PCNT: variants seen among roughly 807,000 people sequenced by gnomAD.
PCNT encodes the protein pericentrin.
In PCNT, 319 loss-of-function variants were observed where a neutral mutation model predicts 380.4. That is an observed-to-expected ratio of 0.84 (90% confidence interval 0.77 to 0.92). The LOEUF (loss-of-function observed/expected upper bound fraction) is 0.92, where lower values mean the gene tolerates loss of function less well. Ranked by LOEUF, PCNT falls within the 40% of genes least tolerant of loss-of-function variation. PCNT has a pLI of 0.00. For synonymous variants in PCNT, 1,845 were observed against 1,735.2 expected (o/e 1.06, Z -1.57); for missense variants, 4,400 against 4,255.3 (o/e 1.03, Z -0.95).
chr21:46,378,450 C>T (rs1182262079), intron 15 of PCNT, among the ~76,000 whole-genome samples: 2 of 152,124 alleles, frequency 1.3e-5, no homozygotes, highest in Admixed American at 6.5e-5. Flanking sequence ...TGAACACAGG[C>T]ACTGTGATGC....
Position 46,418,360 on chromosome 21 carries a change from A to G in PCNT, c.7024+54A>G, listed in dbSNP as rs2087113673. 7.6e-6 allele frequency: 8 copies of G among 1,055,422 alleles called. No individual in the cohort carries two copies. In the Admixed American group the frequency reaches 1.3e-4, roughly 17 times the overall value. The allele number at this position is 1,055,422 out of a possible 1,614,324, so 65.4% of individuals were successfully genotyped here. On this transcript the variant is annotated intron_variant, in intron 31 of 46. Transcript: ENST00000359568. ...TTTTATTTCAGTGGTTTCCTAGCAC[A>G]GAATAGTCAAAAGAATTCCTGCATC...
chr21:46,391,301 G>A lies in PCNT; in HGVS notation c.4141G>A (p.Ala1381Thr). Residue 1381 changes from alanine to threonine, a missense_variant, in exon 21 of 47, where the codon GCG (alanine) becomes ACG (threonine). By Grantham distance (58) the Ala-to-Thr change is moderately conservative. Transcript: ENST00000359568. ...GCAGCAGGCGGCCCAGGAGCAGGCG[G>A]CGCTGAGGGAGGAGTGCACCCGTCT... Reference protein sequence around the residue: ...QLQQAAQEQAALREECTRLWS... With the variant: ...QLQQAAQEQATLREECTRLWS... 1.3e-6 allele frequency: 2 copies of A among 1,573,412 alleles called. No homozygotes were observed. The highest frequency in any genetic ancestry group is 1.2e-5 in the South Asian group (1 of 85,816).
At chr21:46,433,638 C>T (rs1261830247) in intron 38 of PCNT, among the ~76,000 whole-genome samples, 1 of 152,008 alleles carries the variant, frequency 6.6e-6, no homozygotes, top group African/African-American at 2.4e-5. Flanking sequence ...AAGTTGCCAG[C>T]CAAAACCTTT....
In PCNT at chr21:46,430,118, C is replaced by T. The variant is rs762085456; in HGVS notation, c.7799C>T (p.Ala2600Val). 3.3e-5 allele frequency: 53 copies of T among 1,614,014 alleles called. No individual in the cohort carries two copies. The South Asian group carries it at 3.5e-4, about 11-fold the overall frequency. Residue 2600 changes from alanine (A) to valine (V), a missense_variant, in exon 36 of 47, where the codon GCG becomes GTG. Ala to Val is a moderately conservative substitution (Grantham distance 64). Coordinates refer to ENST00000359568, the MANE Select transcript of PCNT (RefSeq NM_006031.6). Reference protein sequence around the residue: ...EKANSVQKLLAAEQTVVRDLK... With the variant: ...EKANSVQKLLVAEQTVVRDLK... ...GCAAACAGCGTGCAGAAGCTCCTGG[C>T]GGCGGAGCAGACTGTAGTGCGAGAT... is the stretch of plus-strand genomic sequence containing the variant.
chr21:46,339,261 G>A (rs1213996716), intron 3 of PCNT, among the ~76,000 whole-genome samples: 1 of 152,186 alleles, frequency 6.6e-6, no homozygotes, highest in African/African-American at 2.4e-5. Flanking sequence ...TAGACATATA[G>A]TTGGCAGTTG....
intron 15 of PCNT, among the ~76,000 whole-genome samples, chr21:46,369,342 G>T (rs2085040040): frequency 6.6e-6 from 1 of 152,248 alleles, no homozygotes; most frequent in Non-Finnish European, 1.5e-5. Context: ...CCAGGTAGTT[G>T]GAATTACAGG....
At chr21:46,420,609 G>T in intron 31 of PCNT, 1 of 152,600 alleles carries the variant, frequency 6.6e-6, no homozygotes. Flanking sequence ...AGGGTCCAGT[G>T]GGACAATGGG....
chr21:46,359,205 G>A (rs2084594873), intron 13 of PCNT, among the ~76,000 whole-genome samples: 1 of 150,224 alleles, frequency 6.7e-6, no homozygotes, highest in East Asian at 1.9e-4. Flanking sequence ...TGCCCGCCTT[G>A]GCCTCCCAAA....
chr21:46,346,299 C>T, intron 4 of PCNT, 91 bp downstream of exon 4: 1 of 667,804 alleles, frequency 1.5e-6, no homozygotes, highest in South Asian at 1.4e-5. Flanking sequence ...GGGGTGGGCG[C>T]TGCCATCTCC....
chr21:46,363,589 T>G lies in PCNT; in HGVS notation c.2264T>G (p.Met755Arg), dbSNP rs201827977. The G allele has an allele frequency of 2.1e-4, 340 of 1,614,124 alleles. No individual in the cohort carries two copies. In the East Asian group the frequency reaches 6.0e-3, roughly 29 times the overall value. Residue 755 changes from methionine (M) to arginine (R), a missense_variant, in exon 14 of 47, where the codon ATG (methionine) becomes AGG (arginine). Coordinates refer to ENST00000359568, the MANE Select transcript of PCNT (RefSeq NM_006031.6). ...FQRKETDWKV[M>R]KEELQREAEE... ...AGAAAAGAAACGGACTGGAAAGTTA[T>G]GAAGGAGGAGCTACAGCGGGAAGCT...
chr21:46,328,946 G>A (rs1463124763), intron 2 of PCNT, among the ~76,000 whole-genome samples: 1 of 151,638 alleles, frequency 6.6e-6, no homozygotes, highest in Non-Finnish European at 1.5e-5. Context: ...GCTAATTTTT[G>A]TATTTGTTTG....
At chr21:46,334,204 C>CAATA (rs1293797938) in intron 2 of PCNT, among the ~76,000 whole-genome samples, 193 bp from the exon 3 acceptor site, 1 of 97,104 alleles carries the variant, frequency 1.0e-5, no homozygotes, top group Non-Finnish European at 2.4e-5. Flanking sequence ...GACTCCGTCT[C>CAATA]AAAAAAAAAA....
At chr21:46,363,309 T>C (rs1239891456) in intron 13 of PCNT, among the ~76,000 whole-genome samples, 171 bp from the exon 14 acceptor site, 1 of 152,218 alleles carries the variant, frequency 6.6e-6, no homozygotes, top group African/African-American at 2.4e-5. Flanking sequence ...TTGTCCACTT[T>C]AGGTTTCTTC....
Position 46,444,719 on chromosome 21 carries a change from T to C in PCNT, c.9865T>C (p.Leu3289=). Residue 3289 remains leucine (L), a synonymous_variant, in exon 46 of 47, where the codon TTA becomes CTA. Transcript: ENST00000359568. ...AGCCACTCCATCCCCAAATTCAAGATTAGAAAGATCCCTGACTGCTTCTCA... is the reference window on the plus strand; with the variant it reads ...AGCCACTCCATCCCCAAATTCAAGACTAGAAAGATCCCTGACTGCTTCTCA... ...GRATPSPNSR[L]ERSLTASQDP... The C allele has an allele frequency of 1.2e-6, 2 of 1,613,202 alleles. No homozygotes were observed. Among genetic ancestry groups the C allele is most frequent in the Non-Finnish European group, 1.7e-6 (2 of 1,179,614 alleles).
intron 31 of PCNT, among the ~76,000 whole-genome samples, chr21:46,418,829 C>T (rs1310777519): frequency 6.6e-6 from 1 of 152,262 alleles, no homozygotes; most frequent in Non-Finnish European, 1.5e-5. Flanking sequence ...GTGGCGTGTC[C>T]TCGCGATGGT....
Position 46,359,489 on chromosome 21 carries a change from TTG to T in PCNT, c.2154+2300_2154+2301del, listed in dbSNP as rs200250686. On this transcript the variant is annotated intron_variant, in intron 13 of 46. Coordinates refer to ENST00000359568, the MANE Select transcript of PCNT (RefSeq NM_006031.6). ...GTCCAAAAATACACCTGTTTTTTTT[TTG>T]TTTTTTTTTTTTTTTTGAGACAGTG... Among the ~76,000 whole-genome samples the T allele has an allele frequency of 6.4e-3, 531 of 82,616 alleles. 138 individuals are homozygous for T. Among genetic ancestry groups the T allele is most frequent in the African/African-American group, 0.012 (306 of 25,404 alleles). 54.2% of individuals were successfully genotyped at this position (82,616 alleles called of 152,430 possible).
In PCNT at chr21:46,430,598, C is replaced by T; in HGVS notation, c.8005C>T (p.Leu2669=). 1 of 1,567,112 alleles carries T rather than the reference C, an allele frequency of 6.4e-7. No homozygotes were observed. The highest frequency in any genetic ancestry group is 1.2e-5 in the South Asian group (1 of 85,190). The change falls in exon 37 of 47, where the codon CTG becomes TTG. Residue 2669 remains leucine, a synonymous_variant. Coordinates refer to ENST00000359568, the MANE Select transcript of PCNT (RefSeq NM_006031.6). Reference sequence around the variant, plus strand: ...GAAGGGGCGTGCCCTGCAGAGCCAGCTGGAGGAGGAGCAGCTGCGGCACCT... The same window carrying T: ...GAAGGGGCGTGCCCTGCAGAGCCAGTTGGAGGAGGAGCAGCTGCGGCACCT... ...QGKGRALQSQ[L]EEEQLRHLQR...
intron 40 of PCNT, 111 bp downstream of exon 40, chr21:46,437,192 G>A: frequency 1.4e-6 from 1 of 730,036 alleles, no homozygotes; most frequent in Non-Finnish European, 2.4e-6. Context: ...CTCCCTCGCT[G>A]CCTTCTCTGA....
chr21:46,377,905 C>T (rs1303377678), intron 15 of PCNT, among the ~76,000 whole-genome samples: 2 of 152,082 alleles, frequency 1.3e-5, no homozygotes, highest in African/African-American at 4.8e-5. Context: ...CCCTTCTCCC[C>T]CATGCCTGGT....
Sources: allele counts gnomAD v4.1 joint callset (sites outside exome capture counted in the v4.1 genomes callset), GRCh38; gene constraint gnomAD v4.1.1; transcripts MANE v1.5; gene names NCBI Gene and HGNC (gene_info 2026-07-23, HGNC 2026-07-21).